Variants in CD33 observed in about 807,000 individuals in gnomAD.
CD33 encodes CD33 molecule.
Under a neutral mutation model 31.4 loss-of-function variants are expected in CD33, and 25 were observed. The observed-to-expected ratio is 0.80, with a 90% CI of 0.58 to 1.11. The LOEUF (loss-of-function observed/expected upper bound fraction) is 1.11. CD33 is among the 50% of genes most tolerant of loss of function. The pLI, the probability that CD33 is intolerant of heterozygous loss-of-function variation, is 0.00. For missense variants in CD33, 407 were observed against 448.1 expected, an observed-to-expected ratio of 0.91 and a Z score of 0.83; for synonymous variants, 176 against 180.6, an observed-to-expected ratio of 0.97 and a Z score of 0.20.
At chr19:51,214,986 T>C in the CD33 span, among the ~76,000 whole-genome samples, 2 of 152,174 alleles carry the variant, frequency 1.3e-5, no homozygotes, top group African/African-American at 2.4e-5. Flanking sequence ...TGGACACAGA[T>C]TGTGGCTTGT....
At chr19:51,232,569 C>T (rs1293452652) in intron 4 of CD33, among the ~76,000 whole-genome samples, 1 of 152,190 alleles carries the variant, frequency 6.6e-6, no homozygotes, top group Non-Finnish European at 1.5e-5. Context: ...TCCCATGAGT[C>T]CTGTAGGTTT....
At position 51,226,470 on chromosome 19, in the gene CD33, C is replaced by G. The variant is rs550953026; in HGVS notation, c.745+114C>G. Reference sequence around the variant, plus strand: ...CAGAGGCAAGGCCTGCAGTTAGACACGGGTAGACATCAGGCACCTTGGAAA... The same window carrying G: ...CAGAGGCAAGGCCTGCAGTTAGACAGGGGTAGACATCAGGCACCTTGGAAA... On this transcript the variant is annotated intron_variant, in intron 4 of 6. Coordinates refer to ENST00000262262, the MANE Select transcript of CD33 (RefSeq NM_001772.4). 2.7e-4 allele frequency: 238 copies of G among 876,780 alleles called. 1 individual carries two copies. The South Asian group carries it at 3.0e-3, about 11-fold the overall frequency. 54.3% of individuals were successfully genotyped at this position (876,780 alleles called of 1,614,324 possible).
chr19:51,226,786 C>T (rs1214827819), intron 4 of CD33, among the ~76,000 whole-genome samples: 2 of 151,606 alleles, frequency 1.3e-5, no homozygotes, highest in African/African-American at 4.9e-5. Context: ...CATAGTCATC[C>T]TACAGTGGTA....
chr19:51,237,739 T>G (rs895890199), intron 6 of CD33: 1 of 152,232 alleles, frequency 6.6e-6, no homozygotes, highest in African/African-American at 2.4e-5. Flanking sequence ...AAGTCCATCA[T>G]AGTTATTGAT....
chr19:51,226,450 G>A, intron 4 of CD33, 94 bp downstream of exon 4: 1 of 1,107,778 alleles, frequency 9.0e-7, no homozygotes, highest in Non-Finnish European at 1.4e-6. Flanking sequence ...ATGTTCAGAG[G>A]CAAGGCCTGC....
intron 4 of CD33, among the ~76,000 whole-genome samples, chr19:51,229,186 T>A (rs550209715): frequency 6.6e-6 from 1 of 152,262 alleles, no homozygotes; most frequent in East Asian, 1.9e-4. Flanking sequence ...TTGACATATG[T>A]ATAACATTTA....
chr19:51,235,140 A>G lies in CD33; in HGVS notation c.746-17A>G, dbSNP rs1041598709. On this transcript the variant is annotated splice_polypyrimidine_tract_variant and intron_variant, in intron 4 of 6. Coordinates refer to ENST00000262262, the MANE Select transcript of CD33 (RefSeq NM_001772.4). ...TTATCTAGATTAGAATTCACCCCAA[A>G]TCTTTTTTGTCTGCAGGGAAACAAG... The G allele has an allele frequency of 5.6e-6, 9 of 1,607,618 alleles. No individual in the cohort carries two copies. In the African/African-American group the frequency reaches 1.2e-4, roughly 22 times the overall value.
intron 6 of CD33, chr19:51,239,248 A>T (rs1331020584): frequency 3.5e-6 from 1 of 282,130 alleles, no homozygotes; most frequent in African/African-American, 2.2e-5. Context: ...GATTAAAATA[A>T]TAGATGCCAA....
At chr19:51,235,337 G>A in intron 5 of CD33, 84 bp downstream of exon 5, 1 of 1,369,660 alleles carries the variant, frequency 7.3e-7, no homozygotes, top group Non-Finnish European at 1.0e-6. Flanking sequence ...GGCTGTGAGG[G>A]CTGGAGAAAG....
the CD33 span, chr19:51,212,091 C>G: frequency 7.3e-6 from 5 of 683,112 alleles, no homozygotes; most frequent in East Asian, 2.1e-4. Flanking sequence ...GGCCAGGACG[C>G]CTGGGTCCCT....
intron 6 of CD33, chr19:51,239,138 G>A (rs1416554968): frequency 1.9e-5 from 3 of 160,800 alleles, no homozygotes; most frequent in African/African-American, 7.2e-5. Flanking sequence ...CCAGCACATA[G>A]GAGGTCCCAG....
intron 6 of CD33, chr19:51,239,092 C>CCTGCT (rs753908621): frequency 6.5e-6 from 1 of 154,036 alleles, no homozygotes; most frequent in Non-Finnish European, 1.4e-5. Flanking sequence ...TCACAGGGCC[C>CCTGCT]CTGCTCTGCT....
chr19:51,214,201 C>CTTTTTTTTTTTT, the CD33 span, among the ~76,000 whole-genome samples: 2 of 98,098 alleles, frequency 2.0e-5, no homozygotes, highest in African/African-American at 3.7e-5. Flanking sequence ...TCTTTTCTTT[C>CTTTTTTTTTTTT]TTTTTTTTTT....
chr19:51,238,651 G>C (rs950221844), intron 6 of CD33: 1 of 152,254 alleles, frequency 6.6e-6, no homozygotes, highest in Non-Finnish European at 1.5e-5. Flanking sequence ...ATGTAGCTAA[G>C]TGGTATGACA....
intron 4 of CD33, among the ~76,000 whole-genome samples, chr19:51,229,576 G>T (rs1379236917): frequency 6.6e-6 from 1 of 151,826 alleles, no homozygotes; most frequent in Non-Finnish European, 1.5e-5. Flanking sequence ...CTCATTACTT[G>T]TTGTTTGTCT....
Position 51,226,656 on chromosome 19 carries a change from G to A in CD33, c.745+300G>A, listed in dbSNP as rs1326714485. Among the ~76,000 whole-genome samples the A allele has an allele frequency of 2.0e-5, 3 of 152,102 alleles. No homozygotes were observed. In the East Asian group the frequency reaches 5.8e-4, roughly 29 times the overall value. ...ATAGTGATGTTTCCATACTAATAAT[G>A]TATAGTAATCAGATCAGGGTAATAG... On this transcript the variant is annotated intron_variant, in intron 4 of 6. Transcript: ENST00000262262.
intron 4 of CD33, among the ~76,000 whole-genome samples, chr19:51,234,770 T>A (rs1981659301): frequency 6.6e-6 from 1 of 152,142 alleles, no homozygotes; most frequent in African/African-American, 2.4e-5. Context: ...CCCTAAGTGA[T>A]GGGGCCAGTG....
chr19:51,226,201 GC>G (rs1164014703), intron 3 of CD33, 107 bp from the exon 4 acceptor site: 1 of 1,497,388 alleles, frequency 6.7e-7, no homozygotes, highest in Non-Finnish European at 9.3e-7. Flanking sequence ...AAGGACATGA[GC>G]CCTGTCCCTT....
chr19:51,211,325 G>GGAATTTCTC, the CD33 span: 4 of 1,564,964 alleles, frequency 2.6e-6, no homozygotes, highest in South Asian at 4.5e-5. Flanking sequence ...TACTACAACA[G>GGAATTTCTC]GAATTTCTCA....
Sources: allele counts gnomAD v4.1 joint callset (sites outside exome capture counted in the v4.1 genomes callset), GRCh38; gene constraint gnomAD v4.1.1; transcripts MANE v1.5; gene names NCBI Gene and HGNC (gene_info 2026-07-23, HGNC 2026-07-21).